The following SMG1 variants were observed in gnomAD, a reference collection of about 807,000 sequenced individuals.
The protein encoded by SMG1 is serine/threonine-protein kinase SMG1.
SMG1 carries 22 observed loss-of-function variants against 419.9 expected under a neutral mutation model. The ratio of observed to expected loss-of-function variants is 0.05; its 90% CI spans 0.04 to 0.07. The LOEUF (loss-of-function observed/expected upper bound fraction) is 0.07, where lower values mean the gene tolerates loss of function less well. Among genes scored for constraint, SMG1 ranks in the 10% least tolerant of loss-of-function variants. The pLI is 1.00. For missense variants in SMG1, 3,185 were observed against 4,342.0 expected (o/e 0.73, Z 7.49); for synonymous variants, 1,538 against 1,553.5 (o/e 0.99, Z 0.23).
rs991748168 is a variant in SMG1, at chr16:18,888,164, C to CAAAAAA, written c.822+1202_822+1207dup. 2.6e-3 allele frequency among the ~76,000 whole-genome samples: 107 copies of CAAAAAA among 41,142 alleles called. 3 individuals are homozygous for CAAAAAA. Among genetic ancestry groups the CAAAAAA allele is most frequent in the African/African-American group, 8.1e-3 (98 of 12,034 alleles). 27.0% of individuals were successfully genotyped at this position (41,142 alleles called of 152,430 possible). On this transcript the variant is annotated intron_variant, in intron 6 of 62. Coordinates refer to ENST00000446231, the MANE Select transcript of SMG1 (RefSeq NM_015092.5). The stretch of plus-strand genomic sequence containing the variant: ...TGGACAACAGAGCAAGACTCTGCAT[C>CAAAAAA]AAAAAAAAAAAAAAAAAAAAAGGAA...
chr16:18,821,081 T>C (rs1226438888), intron 55 of SMG1, among the ~76,000 whole-genome samples: 1 of 152,190 alleles, frequency 6.6e-6, no homozygotes, highest in African/African-American at 2.4e-5. Context: ...CTACTACTAA[T>C]AAACAAAATA....
In SMG1 at chr16:18,866,708, G is replaced by C. The variant is rs1439939001; in HGVS notation, c.3263C>G (p.Ala1088Gly). The C allele has an allele frequency of 6.3e-7, 1 of 1,595,292 alleles. No individual in the cohort carries two copies. The highest frequency in any genetic ancestry group is 1.3e-5 in the African/African-American group (1 of 74,916). ...TGACCAGACAGCAATTCCCTGTATA[G>C]CTTCAGGACAATGAAGTTCACATAA... ...EALCELHCPE[A>G]IQGIAVWSSS... Residue 1088 changes from alanine to glycine, a missense_variant, in exon 23 of 63, where the codon GCT (alanine) becomes GGT (glycine). Around this residue, in one of 27 missense-constraint regions of SMG1, gnomAD observed 121 missense variants for 125.4 expected, o/e 0.96. Coordinates refer to ENST00000446231, the MANE Select transcript of SMG1 (RefSeq NM_015092.5).
intron 55 of SMG1, among the ~76,000 whole-genome samples, chr16:18,820,349 C>T (rs527625129): frequency 6.6e-6 from 1 of 151,990 alleles, no homozygotes; most frequent in African/African-American, 2.4e-5. Flanking sequence ...ACAAGAGGTG[C>T]GTGCCACCAT....
At chr16:18,887,364 T>TG (rs1043573826) in intron 6 of SMG1, among the ~76,000 whole-genome samples, 1 of 151,922 alleles carries the variant, frequency 6.6e-6, no homozygotes, top group Non-Finnish European at 1.5e-5. Flanking sequence ...TGTTTTGTTT[T>TG]TTTGAGATAG....
At chr16:18,916,366 T>A (rs1596658967) in intron 1 of SMG1, among the ~76,000 whole-genome samples, 2 of 150,902 alleles carry the variant, frequency 1.3e-5, no homozygotes, top group East Asian at 3.9e-4. Flanking sequence ...ATACAAAAAA[T>A]TAGCTGGGCG....
At chr16:18,872,397 C>G in intron 14 of SMG1, 52 bp from the exon 15 acceptor site, 1 of 1,498,048 alleles carries the variant, frequency 6.7e-7, no homozygotes, top group Non-Finnish European at 8.9e-7. Context: ...AGAAAGCAAG[C>G]AAGTCCAAAG....
At chr16:18,819,370 CG>C (rs1168268967) in intron 56 of SMG1, 131 bp downstream of exon 56, 3 of 888,812 alleles carry the variant, frequency 3.4e-6, no homozygotes, top group Non-Finnish European at 5.1e-6. Context: ...AAGGCCCATC[CG>C]TCCCTCCTCC....
chr16:18,865,736 C>A (rs1410494366), intron 23 of SMG1, among the ~76,000 whole-genome samples: 1 of 151,148 alleles, frequency 6.6e-6, no homozygotes, highest in African/African-American at 2.4e-5. Flanking sequence ...AACCTGGGCT[C>A]ACAGCAACCT....
chr16:18,830,462 G>T, intron 51 of SMG1, 93 bp from the exon 52 acceptor site: 1 of 1,382,108 alleles, frequency 7.2e-7, no homozygotes, highest in African/African-American at 1.4e-5. Flanking sequence ...GCTGCATGCT[G>T]TGAGAGTCTA....
intron 1 of SMG1, among the ~76,000 whole-genome samples, chr16:18,904,082 C>G (rs1351753253): frequency 1.3e-5 from 2 of 151,004 alleles, no homozygotes; most frequent in African/African-American, 4.9e-5. Flanking sequence ...GAACTACAGG[C>G]GCCCAACACC....
Position 18,816,286 on chromosome 16 carries a change from A to C in SMG1, c.10302+16T>G. ...ACAGAGGGAGAGTAAATGTGTGTTC[A>C]TGGTATTAGTCTTACCTTAGCCATA... is the stretch of plus-strand genomic sequence containing the variant. On this transcript the variant is annotated intron_variant, in intron 58 of 62. Transcript: ENST00000446231. 1.3e-6 allele frequency: 2 copies of C among 1,590,152 alleles called. No individual in the cohort carries two copies. Among genetic ancestry groups the C allele is most frequent in the Non-Finnish European group, 1.7e-6 (2 of 1,161,698 alleles).
rs2038402618 is a variant in SMG1, at chr16:18,926,181, AGAAGG to A, written c.-145_-141del. 2.5e-5 allele frequency: 18 copies of A among 719,726 alleles called. No individual in the cohort carries two copies. The highest frequency in any genetic ancestry group is 3.5e-5 in the Non-Finnish European group (16 of 462,702). 44.6% of individuals were successfully genotyped at this position (719,726 alleles called of 1,614,324 possible). ...AAGGAGGAGGAGGAGGAGGAGGAGG[AGAAGG>A]AGGAGGCGGCGGAGGGCGGGGGAAG... On this transcript the variant is annotated 5_prime_UTR_variant, in exon 1 of 63. Transcript: ENST00000446231.
chr16:18,898,644 T>C (rs1042890693), intron 1 of SMG1, among the ~76,000 whole-genome samples: 5 of 152,192 alleles, frequency 3.3e-5, no homozygotes, highest in African/African-American at 1.2e-4. Flanking sequence ...TTTATATGTA[T>C]GCCACAGTAA....
At chr16:18,916,022 TCACA>T (rs1034535615) in intron 1 of SMG1, among the ~76,000 whole-genome samples, 4 of 120,232 alleles carry the variant, frequency 3.3e-5, no homozygotes, top group African/African-American at 1.3e-4. Context: ...TGAGCCGTGA[TCACA>T]CCATTGCACT....
intron 30 of SMG1, 29 bp from the exon 31 acceptor site, chr16:18,853,896 G>C (rs2034743942): frequency 6.4e-7 from 1 of 1,572,424 alleles, no homozygotes; most frequent in African/African-American, 1.4e-5. Flanking sequence ...TCAGAACTTA[G>C]AACCTTTAAA....
intron 3 of SMG1, among the ~76,000 whole-genome samples, chr16:18,893,987 G>A (rs1176292992): frequency 6.6e-6 from 1 of 151,862 alleles, no homozygotes; most frequent in African/African-American, 2.4e-5. Flanking sequence ...AATCTGGGAG[G>A]TGGAGGCTGC....
At position 18,872,774 on chromosome 16, in the gene SMG1, ACT is replaced by A. The variant is rs1245232602; in HGVS notation, c.1891-152_1891-151del. On this transcript the variant is annotated intron_variant, in intron 13 of 62. Coordinates refer to ENST00000446231, the MANE Select transcript of SMG1 (RefSeq NM_015092.5). ...CTAGTACACTAAACCTGGGACAAACACTTTTTTATGAAGTCAGTAAAGCCTTT... is the reference window on the plus strand; with the variant it reads ...CTAGTACACTAAACCTGGGACAAACATTTTTATGAAGTCAGTAAAGCCTTT... 5 of 698,306 alleles carry A rather than the reference ACT, an allele frequency of 7.2e-6. No individual in the cohort carries two copies. In the South Asian group the frequency reaches 9.6e-5, roughly 13 times the overall value. The allele number at this position is 698,306 out of a possible 1,614,324, so 43.3% of individuals were successfully genotyped here.
chr16:18,816,909 A>G (rs2141117164), intron 57 of SMG1, among the ~76,000 whole-genome samples: 1 of 152,212 alleles, frequency 6.6e-6, no homozygotes, highest in East Asian at 1.9e-4. Flanking sequence ...AAACTTACCA[A>G]CTTGCTATTT....
chr16:18,854,741 A>T lies in SMG1; in HGVS notation c.4398T>A (p.Phe1466Leu), dbSNP rs1303413456. The change falls in exon 30 of 63, where the codon TTT (phenylalanine) becomes TTA (leucine). Residue 1466 changes from phenylalanine to leucine, a missense_variant. Physicochemically the swap from Phe to Leu is conservative, Grantham distance 22. Around this residue, in one of 27 missense-constraint regions of SMG1, gnomAD observed 493 missense variants for 552.9 expected, o/e 0.89. Transcript: ENST00000446231. The part of the protein sequence containing the change: ...TTTAQDLVQH[F>L]KKLSTQGQVD... ...CTTGACCTTGGGTTGATAGTTTTTT[A>T]AAATGTTGGACTAAATCCTGTGCAG... 5 of 1,613,982 alleles carry T rather than the reference A, an allele frequency of 3.1e-6. No homozygotes were observed. Among genetic ancestry groups the T allele is most frequent in the Admixed American group, 3.3e-5 (2 of 60,026 alleles).
Sources: gnomAD v4.1 joint callset for allele counts (sites outside exome capture counted in the v4.1 genomes callset) on GRCh38, gnomAD v4.1.1 for gene constraint, gnomAD v4.1.1 regional missense constraint, MANE v1.5 for transcripts, NCBI Gene and HGNC (gene_info 2026-07-23, HGNC 2026-07-21) for gene names.